THSD7A: variants seen among roughly 807,000 people sequenced by gnomAD.
THSD7A encodes thrombospondin type 1 domain containing 7A, also known as thrombospondin type-1 domain-containing protein 7A.
A neutral mutation model predicts 231.3 loss-of-function variants in THSD7A; 96 were observed. The observed-to-expected ratio is 0.41, with a 90% CI of 0.35 to 0.49. The LOEUF (loss-of-function observed/expected upper bound fraction) is 0.49. THSD7A is among the 20% of genes least tolerant of loss of function. The pLI, the probability that THSD7A is intolerant of heterozygous loss-of-function variation, is 0.05. For missense variants in THSD7A, 2,290 were observed against 2,070.2 expected (o/e 1.11, Z -2.06); for synonymous variants, 940 against 743.3 (o/e 1.26, Z -4.30).
chr7:11,659,403 C>A (rs1401891528), intron 1 of THSD7A, among the ~76,000 whole-genome samples: 1 of 151,548 alleles, frequency 6.6e-6, no homozygotes, highest in Admixed American at 6.6e-5. Context: ...ATCTTGTTAG[C>A]ATGACCTATA....
At chr7:11,706,441 C>A (rs1436937583) in intron 1 of THSD7A, among the ~76,000 whole-genome samples, 3 of 150,694 alleles carry the variant, frequency 2.0e-5, no homozygotes, top group African/African-American at 7.3e-5. Context: ...TGTTCATTTT[C>A]AAAAATATCA....
chr7:11,591,509 GGTGCAAATGGAT>G (rs1780163281), intron 3 of THSD7A, among the ~76,000 whole-genome samples: 1 of 152,164 alleles, frequency 6.6e-6, no homozygotes, highest in Non-Finnish European at 1.5e-5. Flanking sequence ...AGCCAACATA[GGTGCAAATGGAT>G]GTGCAAATAT....
intron 1 of THSD7A, among the ~76,000 whole-genome samples, chr7:11,758,038 T>TATATATATATATAA (rs1554274392): frequency 6.9e-6 from 1 of 144,646 alleles, no homozygotes; most frequent in East Asian, 2.0e-4. Flanking sequence ...TATATATATA[T>TATATATATATATAA]AATGTTTCAC....
chr7:11,540,035 AAG>A (rs1789077164), intron 6 of THSD7A, among the ~76,000 whole-genome samples: 1 of 152,184 alleles, frequency 6.6e-6, no homozygotes, highest in South Asian at 2.1e-4. Flanking sequence ...GTGTGAGTAA[AAG>A]AGAAACAGAA....
intron 2 of THSD7A, among the ~76,000 whole-genome samples, chr7:11,609,626 C>T (rs1408169083): frequency 1.3e-5 from 2 of 152,050 alleles, no homozygotes; most frequent in African/African-American, 4.8e-5. Context: ...TACGGAAGAA[C>T]TGAAGCAGGG....
At chr7:11,398,081 G>A (rs889371232) in intron 23 of THSD7A, among the ~76,000 whole-genome samples, 1 of 152,152 alleles carries the variant, frequency 6.6e-6, no homozygotes, top group Non-Finnish European at 1.5e-5. Flanking sequence ...AAAGACACAT[G>A]CACATTTATA....
chr7:11,396,417 A>G (rs1783188954), intron 23 of THSD7A, among the ~76,000 whole-genome samples: 1 of 152,120 alleles, frequency 6.6e-6, no homozygotes, highest in Non-Finnish European at 1.5e-5. Context: ...AGAGAGAAGA[A>G]TCAAATAGAT....
intron 6 of THSD7A, among the ~76,000 whole-genome samples, chr7:11,520,416 A>T (rs1562680447): frequency 6.6e-6 from 1 of 152,198 alleles, no homozygotes; most frequent in East Asian, 1.9e-4. Flanking sequence ...TTACTTCTAT[A>T]AGTTTTGATA....
At chr7:11,478,103 T>C (rs2128303633) in intron 7 of THSD7A, among the ~76,000 whole-genome samples, 1 of 152,272 alleles carries the variant, frequency 6.6e-6, no homozygotes, top group African/African-American at 2.4e-5. Context: ...TGTACTTATT[T>C]TGTCAATTCC....
intron 1 of THSD7A, among the ~76,000 whole-genome samples, chr7:11,818,686 C>G (rs772954470): frequency 6.6e-6 from 1 of 152,100 alleles, no homozygotes; most frequent in South Asian, 2.1e-4. Context: ...TACCAGAGTC[C>G]GCTAGGGATA....
chr7:11,481,684 T>G, intron 7 of THSD7A, 104 bp downstream of exon 7: 1 of 1,216,534 alleles, frequency 8.2e-7, no homozygotes, highest in South Asian at 1.9e-5. Context: ...GCTGAATTTC[T>G]GGTTGTTGAC....
Position 11,417,620 on chromosome 7 carries a change from A to C in THSD7A, c.3384-17T>G, listed in dbSNP as rs775425926. 3 of 1,592,532 alleles carry C rather than the reference A, an allele frequency of 1.9e-6. No individual in the cohort carries two copies. The highest frequency in any genetic ancestry group is 2.6e-6 in the Non-Finnish European group (3 of 1,173,952). On this transcript the variant is annotated splice_polypyrimidine_tract_variant and intron_variant, in intron 16 of 27. Coordinates refer to ENST00000423059, the MANE Select transcript of THSD7A (RefSeq NM_015204.3). Reference sequence around the variant, plus strand: ...TGCATGCATCTAGAAAAGAACATAAACATATTCTAGAAAATATACATACAT... The same window carrying C: ...TGCATGCATCTAGAAAAGAACATAACCATATTCTAGAAAATATACATACAT...
rs1780499827 is a variant in THSD7A at position 11,600,142 on chromosome 7, T to C, written c.1023-6640A>G. On this transcript the variant is annotated intron_variant, in intron 2 of 27. Coordinates refer to ENST00000423059, the MANE Select transcript of THSD7A (RefSeq NM_015204.3). ...ATATATGGCCTATTAGTTCTGTCCC[T>C]CTAGAGAATCTTGACTAATATAATA... 2.0e-5 allele frequency among the ~76,000 whole-genome samples: 3 copies of C among 152,064 alleles called. No homozygotes were observed. In the South Asian group the frequency reaches 6.2e-4, roughly 32 times the overall value.
chr7:11,676,544 C>G (rs752246869), intron 1 of THSD7A, among the ~76,000 whole-genome samples: 1 of 152,134 alleles, frequency 6.6e-6, no homozygotes, highest in Non-Finnish European at 1.5e-5. Context: ...GAATCGCTAA[C>G]TGGAATAACC....
chr7:11,410,162 C>A (rs192823561), intron 19 of THSD7A, among the ~76,000 whole-genome samples: 82 of 152,222 alleles, frequency 5.4e-4, no homozygotes, highest in African/African-American at 1.9e-3. Context: ...CATTAGGTAA[C>A]GTTACAAGGT....
intron 11 of THSD7A, among the ~76,000 whole-genome samples, chr7:11,453,399 G>A (rs971078995): frequency 6.6e-6 from 1 of 151,286 alleles, no homozygotes; most frequent in Admixed American, 6.6e-5. Context: ...AGGACTCCTA[G>A]GGCCAGGAGG....
Position 11,637,021 on chromosome 7 carries a change from C to T in THSD7A, c.191-60G>A. 6.8e-7 allele frequency: 1 copy of T among 1,478,058 alleles called. No individual in the cohort carries two copies. The highest frequency in any genetic ancestry group is 9.1e-7 in the Non-Finnish European group (1 of 1,097,050). The allele number at this position is 1,478,058 out of a possible 1,614,324, so 91.6% of individuals were successfully genotyped here. On this transcript the variant is annotated intron_variant, in intron 1 of 27. Transcript: ENST00000423059. This position sits in a 1 kb window ranked among gnomAD's most constrained non-coding sequence, Gnocchi z 4.2. The stretch of plus-strand genomic sequence containing the variant: ...ACTAGAAGAAAACTACAAGTTACTG[C>T]ACATTCCAGAAAGACCTTTCAAGAC...
chr7:11,751,127 T>C (rs1782485430), intron 1 of THSD7A: 1 of 152,054 alleles, frequency 6.6e-6, no homozygotes. Flanking sequence ...AACACCCATG[T>C]CTTTCTTACT....
At chr7:11,534,183 G>A (rs1734332034) in intron 6 of THSD7A, among the ~76,000 whole-genome samples, 1 of 152,030 alleles carries the variant, frequency 6.6e-6, no homozygotes, top group African/African-American at 2.4e-5. Context: ...GCATGTGAGA[G>A]GATTGAAAAT....
Sources: allele counts gnomAD v4.1 joint callset (sites outside exome capture counted in the v4.1 genomes callset), GRCh38; gene constraint gnomAD v4.1.1; non-coding constraint Gnocchi (gnomAD v3.1); transcripts MANE v1.5; gene names NCBI Gene and HGNC (gene_info 2026-07-23, HGNC 2026-07-21).